ZNF679: variants seen among roughly 807,000 people sequenced by gnomAD.
The protein encoded by ZNF679 is zinc finger protein 679, also known as hypothetical protein MGC42415.
ZNF679 carries 10 observed loss-of-function variants against 13.4 expected under a neutral mutation model. That is an observed-to-expected ratio of 0.75 (90% CI 0.46 to 1.27). The LOEUF (loss-of-function observed/expected upper bound fraction) is 1.27, where lower values mean the gene tolerates loss of function less well. Among genes scored for constraint, ZNF679 ranks in the 50% most tolerant of loss-of-function variants. The pLI, the probability that ZNF679 is intolerant of heterozygous loss-of-function variation, is 0.00. For synonymous variants in ZNF679, 179 were observed against 162.5 expected (o/e 1.10, Z -0.77); for missense variants, 525 against 477.8 (o/e 1.10, Z -0.92).
chr7:64,248,196 C>T (rs1472897973), intron 1 of ZNF679, among the ~76,000 whole-genome samples: 1 of 152,084 alleles, frequency 6.6e-6, no homozygotes, highest in Non-Finnish European at 1.5e-5. Context: ...TGAGAGCTCC[C>T]TTACTATCAC....
intron 4 of ZNF679, among the ~76,000 whole-genome samples, chr7:64,263,975 T>C (rs1788110853): frequency 6.6e-6 from 1 of 152,144 alleles, no homozygotes; most frequent in Admixed American, 6.5e-5. Context: ...TTAATGTTTA[T>C]AATTTTATGC....
At chr7:64,262,033 T>G (rs757750360) in intron 4 of ZNF679, among the ~76,000 whole-genome samples, 45 of 152,084 alleles carry the variant, frequency 3.0e-4, no homozygotes, top group Non-Finnish European at 3.2e-4. Context: ...ATTTTGTATT[T>G]TTAGTAGAGA....
chr7:64,236,196 C>T (rs1223041625), intron 1 of ZNF679, among the ~76,000 whole-genome samples: 2 of 151,920 alleles, frequency 1.3e-5, no homozygotes, highest in South Asian at 4.2e-4. Context: ...ACTCAGTAGG[C>T]AGAAGTTGCA....
chr7:64,232,243 T>G (rs1333016058), intron 1 of ZNF679, among the ~76,000 whole-genome samples: 3 of 152,184 alleles, frequency 2.0e-5, no homozygotes, highest in Non-Finnish European at 4.4e-5. Context: ...AAATCTTAAT[T>G]GTTGGCTAGG....
intron 1 of ZNF679, among the ~76,000 whole-genome samples, chr7:64,248,218 G>C (rs1038377126): frequency 6.6e-6 from 1 of 151,964 alleles, no homozygotes; most frequent in African/African-American, 2.4e-5. Context: ...AGAACAGCAT[G>C]AGGATAATCC....
intron 1 of ZNF679, among the ~76,000 whole-genome samples, chr7:64,240,191 T>C (rs1376932771): frequency 6.6e-6 from 1 of 152,120 alleles, no homozygotes; most frequent in African/African-American, 2.4e-5. Flanking sequence ...CACCCATCAC[T>C]TGGCCAATCA....
intron 1 of ZNF679, among the ~76,000 whole-genome samples, chr7:64,235,993 G>A (rs193270821): frequency 3.7e-4 from 57 of 152,232 alleles, no homozygotes; most frequent in African/African-American, 1.1e-3. Flanking sequence ...GAGGCCGGGC[G>A]TGGTGCCTCA....
At position 64,260,115 on chromosome 7, in the gene ZNF679, T is replaced by C. The variant is rs550791528; in HGVS notation, c.40-106T>C. On this transcript the variant is annotated intron_variant, in intron 2 of 4. Transcript: ENST00000421025. ...GTCACTCTTATAAGTGAGAAACACTTCTTTTTACTCTCTAACTTGAGTCAA... is the reference window on the plus strand; with the variant it reads ...GTCACTCTTATAAGTGAGAAACACTCCTTTTTACTCTCTAACTTGAGTCAA... The C allele has an allele frequency of 2.1e-3, 2,147 of 1,013,634 alleles. 6 individuals carry two copies. Among genetic ancestry groups the C allele is most frequent in the Non-Finnish European group, 2.8e-3 (1,951 of 705,138 alleles). 62.8% of individuals were successfully genotyped at this position (1,013,634 alleles called of 1,614,324 possible). A position where few individuals can be genotyped will look rare whatever the true frequency, so the allele number is the denominator to read the frequency against.
At chr7:64,229,534 A>G (rs1181955519) in intron 1 of ZNF679, among the ~76,000 whole-genome samples, 2 of 152,180 alleles carry the variant, frequency 1.3e-5, no homozygotes, top group Non-Finnish European at 2.9e-5. Flanking sequence ...TCTAGGTTTA[A>G]GAGTGATAAT....
intron 1 of ZNF679, among the ~76,000 whole-genome samples, chr7:64,247,269 C>T (rs921853931): frequency 2.6e-5 from 4 of 152,222 alleles, no homozygotes; most frequent in East Asian, 1.9e-4. Context: ...TTAGAATGCC[C>T]GACCTCATGG....
intron 4 of ZNF679, among the ~76,000 whole-genome samples, chr7:64,265,334 C>T (rs777322010): frequency 1.3e-5 from 2 of 152,120 alleles, no homozygotes; most frequent in Non-Finnish European, 2.9e-5. Flanking sequence ...TAAAAGACTT[C>T]TCCATGTTTC....
rs1378248899 is a variant in ZNF679, at chr7:64,245,135, C to T, written c.-90-3893C>T. On this transcript the variant is annotated intron_variant, in intron 1 of 4. Transcript: ENST00000421025. ...CTGCTTCCCAAGTTCAAGCAGTTCT[C>T]CCTGCCCCAGCCTCCTGAGTAGCTG... Among the ~76,000 whole-genome samples, 4 of 152,104 alleles carry T rather than the reference C, an allele frequency of 2.6e-5. No homozygotes were observed. In the South Asian group the frequency reaches 6.2e-4, roughly 24 times the overall value.
At chr7:64,239,649 C>A (rs1399297687) in intron 1 of ZNF679, among the ~76,000 whole-genome samples, 4 of 152,174 alleles carry the variant, frequency 2.6e-5, no homozygotes, top group Non-Finnish European at 5.9e-5. Flanking sequence ...CCTGCCTGGA[C>A]CCTGCCCACA....
chr7:64,250,788 C>CAG (rs1253901117), intron 2 of ZNF679, among the ~76,000 whole-genome samples: 4 of 152,002 alleles, frequency 2.6e-5, no homozygotes, highest in African/African-American at 9.7e-5. Context: ...GGGGTTTCGC[C>CAG]ATGTTGGCCA....
intron 1 of ZNF679, among the ~76,000 whole-genome samples, chr7:64,239,552 T>C (rs1248217409): frequency 1.3e-5 from 2 of 152,220 alleles, no homozygotes; most frequent in Non-Finnish European, 2.9e-5. Flanking sequence ...AGCACCTAGA[T>C]GATGTGACTA....
chr7:64,260,618 C>G (rs1273690119), intron 3 of ZNF679, among the ~76,000 whole-genome samples: 3 of 152,124 alleles, frequency 2.0e-5, no homozygotes, highest in African/African-American at 7.2e-5. Flanking sequence ...CCTTAGAATT[C>G]AGTTGCTGCC....
intron 4 of ZNF679, among the ~76,000 whole-genome samples, chr7:64,263,923 AT>A (rs1229009480): frequency 6.6e-6 from 1 of 151,888 alleles, no homozygotes; most frequent in Non-Finnish European, 1.5e-5. Context: ...TTTTTAATTA[AT>A]TTTTTATTTC....
At chr7:64,249,955 C>T (rs779857499) in intron 2 of ZNF679, among the ~76,000 whole-genome samples, 1 of 152,088 alleles carries the variant, frequency 6.6e-6, no homozygotes, top group Non-Finnish European at 1.5e-5. Context: ...AGTTCTCACG[C>T]CTCAGGCTCC....
At chr7:64,256,227 T>C (rs1227488202) in intron 2 of ZNF679, among the ~76,000 whole-genome samples, 2 of 152,238 alleles carry the variant, frequency 1.3e-5, no homozygotes, top group East Asian at 3.9e-4. Context: ...GCTCCATTCA[T>C]GTTGCTGCAA....
Sources: gnomAD v4.1 joint callset for allele counts (sites outside exome capture counted in the v4.1 genomes callset) on GRCh38, gnomAD v4.1.1 for gene constraint, MANE v1.5 for transcripts, NCBI Gene and HGNC (gene_info 2026-07-23, HGNC 2026-07-21) for gene names.